Variants in MLLT10 observed in about 807,000 individuals in gnomAD.
The protein encoded by MLLT10 is MLLT10 histone lysine methyltransferase DOT1L cofactor, also known as protein AF-10.
MLLT10 carries 30 observed loss-of-function variants against 129.1 expected under a neutral mutation model. That is an observed-to-expected ratio of 0.23 (90% confidence interval 0.17 to 0.32). The LOEUF (loss-of-function observed/expected upper bound fraction) is 0.32. MLLT10 is among the 10% of genes least tolerant of loss of function. The pLI, the probability that MLLT10 is intolerant of heterozygous loss-of-function variation, is 1.00. For missense variants in MLLT10, 1,119 were observed against 1,268.3 expected, an observed-to-expected ratio of 0.88 and a Z score of 1.79; for synonymous variants, 490 against 446.4, an observed-to-expected ratio of 1.10 and a Z score of -1.23.
At chr10:21,545,302 T>G (rs1229580663) in intron 3 of MLLT10, among the ~76,000 whole-genome samples, 2 of 151,938 alleles carry the variant, frequency 1.3e-5, no homozygotes, top group African/African-American at 4.8e-5. Flanking sequence ...GAGAACTGAT[T>G]ATCAAGGATT....
intron 13 of MLLT10, among the ~76,000 whole-genome samples, chr10:21,706,033 C>A (rs1478716295): frequency 6.6e-6 from 1 of 152,188 alleles, no homozygotes. Context: ...GGCTGCCTTG[C>A]TTCCCTTTCC....
rs748660638 is a variant in MLLT10, at chr10:21,734,082, C to T, written c.2811C>T (p.Thr937=). 13 of 1,613,636 alleles carry T rather than the reference C, an allele frequency of 8.1e-6. No homozygotes were observed. The highest frequency in any genetic ancestry group is 4.4e-5 in the South Asian group (4 of 91,024). The change falls in exon 20 of 23, where the codon ACC becomes ACT. Residue 937 remains threonine (T), a synonymous_variant. Coordinates refer to ENST00000307729, the MANE Select transcript of MLLT10 (RefSeq NM_001195626.3). ...SQNPTPLTHT[T]VPPNATHPMP... is the part of the protein sequence containing the mutation. ...ACCCTACCCCTCTCACCCACACAAC[C>T]GTACCACCTAATGCAACACATCCAA...
At chr10:21,724,632 G>GT (rs2057353767) in intron 14 of MLLT10, among the ~76,000 whole-genome samples, 1 of 152,210 alleles carries the variant, frequency 6.6e-6, no homozygotes, top group East Asian at 1.9e-4. Flanking sequence ...TTGTGGTTCT[G>GT]TTAAATCTGA....
At chr10:21,693,505 T>C (rs771569418) in intron 13 of MLLT10, among the ~76,000 whole-genome samples, 1 of 152,140 alleles carries the variant, frequency 6.6e-6, no homozygotes, top group Non-Finnish European at 1.5e-5. Context: ...AACCCCAATT[T>C]ACTTATTCCT....
chr10:21,648,845 A>G (rs1200885674), intron 8 of MLLT10, among the ~76,000 whole-genome samples: 1 of 152,202 alleles, frequency 6.6e-6, no homozygotes, highest in Non-Finnish European at 1.5e-5. Context: ...GGCGGCAGGC[A>G]GGAGACAATG....
intron 3 of MLLT10, among the ~76,000 whole-genome samples, chr10:21,583,257 T>C (rs1427116894): frequency 6.6e-6 from 1 of 152,024 alleles, no homozygotes; most frequent in Non-Finnish European, 1.5e-5. Context: ...AATTTGGGAG[T>C]CACTGTTACA....
chr10:21,570,750 A>G (rs1421369398), intron 3 of MLLT10, among the ~76,000 whole-genome samples: 4 of 152,124 alleles, frequency 2.6e-5, no homozygotes, highest in African/African-American at 9.7e-5. Flanking sequence ...CCTTCTGATC[A>G]TATGAAATAT....
chr10:21,586,437 CAAATT>C, intron 4 of MLLT10, 89 bp downstream of exon 4: 2 of 1,011,388 alleles, frequency 2.0e-6, no homozygotes, highest in Non-Finnish European at 2.9e-6. Context: ...TTTATTTTAT[CAAATT>C]AAACAGCGTT....
chr10:21,600,591 T>C (rs2043430080), intron 5 of MLLT10, among the ~76,000 whole-genome samples: 1 of 152,208 alleles, frequency 6.6e-6, no homozygotes, highest in South Asian at 2.1e-4. Flanking sequence ...TTGAATATAT[T>C]TGCATTTGTC....
chr10:21,556,389 A>T (rs1033510965), intron 3 of MLLT10, among the ~76,000 whole-genome samples: 2 of 152,174 alleles, frequency 1.3e-5, no homozygotes, highest in African/African-American at 4.8e-5. Context: ...AATATATCTG[A>T]TCATGATCAC....
At chr10:21,679,001 CT>C (rs761625951) in intron 11 of MLLT10, among the ~76,000 whole-genome samples, 1 of 152,132 alleles carries the variant, frequency 6.6e-6, no homozygotes, top group Non-Finnish European at 1.5e-5. Context: ...AATCAAAATT[CT>C]CTCATGACAT....
chr10:21,695,213 G>A (rs1231274221), intron 13 of MLLT10, among the ~76,000 whole-genome samples: 1 of 152,026 alleles, frequency 6.6e-6, no homozygotes, highest in Non-Finnish European at 1.5e-5. Context: ...GGGATTACAG[G>A]CGTGTGTCAT....
chr10:21,731,290 G>A (rs1214561970), intron 17 of MLLT10, among the ~76,000 whole-genome samples: 1 of 152,162 alleles, frequency 6.6e-6, no homozygotes. Flanking sequence ...TCTTGGGCAT[G>A]TTTTTTAAAG....
chr10:21,713,452 C>A (rs553730480), intron 13 of MLLT10, among the ~76,000 whole-genome samples: 2 of 152,272 alleles, frequency 1.3e-5, no homozygotes, highest in Admixed American at 6.5e-5. Context: ...TTGCTTCATT[C>A]CTCTATTTAA....
Position 21,670,446 on chromosome 10 carries a change from T to C in MLLT10, c.796-3T>C, listed in dbSNP as rs1421294789. The C allele has an allele frequency of 5.0e-6, 8 of 1,600,086 alleles. No homozygotes were observed. The highest frequency in any genetic ancestry group is 1.8e-5 in the Admixed American group (1 of 56,570). On this transcript the variant is annotated splice_polypyrimidine_tract_variant and splice_region_variant and intron_variant, in intron 9 of 22. Transcript: ENST00000307729. ...TCCTTCCCTTTTTGAATCAAAATGT[T>C]AGACTTATACAAGCACTAGCAACAA... is the stretch of plus-strand genomic sequence containing the variant.
At chr10:21,641,729 A>C (rs2048022575) in intron 8 of MLLT10, among the ~76,000 whole-genome samples, 1 of 152,180 alleles carries the variant, frequency 6.6e-6, no homozygotes. Flanking sequence ...AAATTACAAA[A>C]GCAAACAAGA....
At chr10:21,649,513 G>A in intron 8 of MLLT10, among the ~76,000 whole-genome samples, 1 of 152,220 alleles carries the variant, frequency 6.6e-6, no homozygotes, top group East Asian at 1.9e-4. Flanking sequence ...CAGCAGGGAT[G>A]ATTTATCTTT....
At chr10:21,687,182 G>C (rs1262438084) in intron 13 of MLLT10, among the ~76,000 whole-genome samples, 7 of 152,232 alleles carry the variant, frequency 4.6e-5, no homozygotes, top group Non-Finnish European at 8.8e-5. Flanking sequence ...TATTCATATA[G>C]GTGCTGTAGG....
At chr10:21,534,973 G>C (rs904596262) in intron 2 of MLLT10, among the ~76,000 whole-genome samples, 169 bp downstream of exon 2, 1 of 149,476 alleles carries the variant, frequency 6.7e-6, no homozygotes, top group African/African-American at 2.4e-5. Flanking sequence ...GTGGGAGAAA[G>C]TGCGTGTGGC....
Sources: gnomAD v4.1 joint callset for allele counts (sites outside exome capture counted in the v4.1 genomes callset) on GRCh38, gnomAD v4.1.1 for gene constraint, MANE v1.5 for transcripts, NCBI Gene and HGNC (gene_info 2026-07-23, HGNC 2026-07-21) for gene names.